Variants in MARCHF7 observed in about 807,000 individuals in gnomAD.
MARCHF7 encodes the protein membrane associated ring-CH-type finger 7, also known as E3 ubiquitin-protein ligase MARCHF7.
A neutral mutation model predicts 76.5 loss-of-function variants in MARCHF7; 20 were observed. The ratio of observed to expected loss-of-function variants is 0.26; its 90% confidence interval spans 0.18 to 0.38. MARCHF7 has a LOEUF of 0.38. MARCHF7 is among the 10% of genes least tolerant of loss of function. The pLI is 1.00. For missense variants in MARCHF7, 797 were observed against 812.9 expected (o/e 0.98, Z 0.24); for synonymous variants, 295 against 293.0 (o/e 1.01, Z -0.07).
intron 7 of MARCHF7, among the ~76,000 whole-genome samples, chr2:159,751,259 A>C (rs1019968693): frequency 6.6e-6 from 1 of 152,058 alleles, no homozygotes; most frequent in Admixed American, 6.6e-5. Flanking sequence ...AGCCAGTACC[A>C]CTCTATCTGG....
intron 9 of MARCHF7, among the ~76,000 whole-genome samples, chr2:159,761,027 ATTT>A (rs34380779): frequency 1.4e-5 from 2 of 139,856 alleles, no homozygotes; most frequent in African/African-American, 2.6e-5. Flanking sequence ...TAACCATTTA[ATTT>A]TTTTTTTTTT....
intron 3 of MARCHF7, among the ~76,000 whole-genome samples, chr2:159,726,408 G>A (rs557269806): frequency 1.1e-4 from 16 of 152,008 alleles, no homozygotes; most frequent in Non-Finnish European, 2.2e-4. Context: ...GACTACAGGC[G>A]CCCGCTACCA....
chr2:159,724,557 TA>T (rs1701959902), intron 3 of MARCHF7, among the ~76,000 whole-genome samples: 1 of 152,234 alleles, frequency 6.6e-6, no homozygotes. Flanking sequence ...TTCTGCAACT[TA>T]CTCCCAGTCC....
In MARCHF7 at chr2:159,748,116, A is replaced by G. The variant is rs1425000648; in HGVS notation, c.826A>G (p.Arg276Gly). ...TCAAGAATCTTCTGACAATGAAGGTAGGCGGACAACGAGGAGATTGCTGTC... is the reference window on the plus strand; with the variant it reads ...TCAAGAATCTTCTGACAATGAAGGTGGGCGGACAACGAGGAGATTGCTGTC... Reference protein sequence around the residue: ...PFQESSDNEGRRTTRRLLSRI... With the variant: ...PFQESSDNEGGRTTRRLLSRI... Residue 276 changes from arginine (R) to glycine (G), a missense_variant, in exon 7 of 12, where the codon AGG becomes GGG. By Grantham distance (125) the Arg-to-Gly change is moderately radical. Around this residue, in one of 3 missense-constraint regions of MARCHF7, gnomAD observed 643 missense variants for 631.5 expected, o/e 1.02. Coordinates refer to ENST00000409175, the MANE Select transcript of MARCHF7 (RefSeq NM_001282805.2). 3.1e-6 allele frequency: 5 copies of G among 1,613,900 alleles called. No individual in the cohort carries two copies. The highest frequency in any genetic ancestry group is 4.2e-6 in the Non-Finnish European group (5 of 1,179,968).
chr2:159,716,265 G>A (rs942425542), intron 3 of MARCHF7, among the ~76,000 whole-genome samples: 6 of 125,654 alleles, frequency 4.8e-5, no homozygotes, highest in South Asian at 2.2e-4. Context: ...CCCAGAAGCA[G>A]ATTTTTTTTT....
chr2:159,753,995 G>C (rs1003092748), intron 8 of MARCHF7, among the ~76,000 whole-genome samples: 1 of 152,358 alleles, frequency 6.6e-6, no homozygotes, highest in East Asian at 1.9e-4. Context: ...AGGGAACCAA[G>C]TGTTCTGTTT....
chr2:159,721,875 G>A (rs910525194), intron 3 of MARCHF7, among the ~76,000 whole-genome samples: 1 of 152,146 alleles, frequency 6.6e-6, no homozygotes, highest in Non-Finnish European at 1.5e-5. Flanking sequence ...AATGAAGCTT[G>A]GAGCCCACAC....
chr2:159,734,963 CAG>C (rs1245052854), intron 4 of MARCHF7, among the ~76,000 whole-genome samples: 4 of 152,028 alleles, frequency 2.6e-5, no homozygotes. Context: ...GCTTGGGTGA[CAG>C]AACAGGACCC....
chr2:159,764,518 A>T, intron 10 of MARCHF7, 108 bp from the exon 11 acceptor site: 1 of 758,000 alleles, frequency 1.3e-6, no homozygotes, highest in Non-Finnish European at 2.0e-6. Context: ...TTAAAGGCTT[A>T]AACTGATGTT....
chr2:159,769,093 T>TTA lies in MARCHF7; in HGVS notation c.*1753_*1754dup, dbSNP rs1708050010. On this transcript the variant is annotated 3_prime_UTR_variant, in exon 12 of 12. Transcript: ENST00000409175. The stretch of plus-strand genomic sequence containing the variant: ...GAATAAGAGAAAAGGCTTTCATTGG[T>TTA]TATCAGTTTTAAATTCTGAACAAAA... The TTA allele has an allele frequency of 6.6e-6, 1 of 152,218 alleles. No homozygotes were observed. The highest frequency in any genetic ancestry group is 2.4e-5 in the African/African-American group (1 of 41,460). The allele number at this position is 152,218 out of a possible 1,614,324, so 9.4% of individuals were successfully genotyped here.
chr2:159,765,279 T>C (rs926994172), intron 11 of MARCHF7, among the ~76,000 whole-genome samples: 1 of 152,044 alleles, frequency 6.6e-6, no homozygotes, highest in Admixed American at 6.6e-5. Flanking sequence ...CTCAAATCTC[T>C]TAAGATCACA....
At chr2:159,743,316 T>C in intron 5 of MARCHF7, 63 bp downstream of exon 5, 2 of 1,479,104 alleles carry the variant, frequency 1.4e-6, no homozygotes, top group Admixed American at 2.0e-5. Context: ...CAGTTGTTCT[T>C]AGTTTTGGAA....
intron 4 of MARCHF7, among the ~76,000 whole-genome samples, chr2:159,741,287 G>T (rs1704090358): frequency 6.6e-6 from 1 of 152,124 alleles, no homozygotes; most frequent in Non-Finnish European, 1.5e-5. Context: ...GAGGATCAAG[G>T]CAGCAGTGAG....
At chr2:159,739,040 C>T (rs554881884) in intron 4 of MARCHF7, among the ~76,000 whole-genome samples, 41 of 152,342 alleles carry the variant, frequency 2.7e-4, no homozygotes, top group African/African-American at 9.6e-4. Context: ...CAAGCATGCG[C>T]ATACACACCT....
intron 8 of MARCHF7, among the ~76,000 whole-genome samples, chr2:159,758,521 A>G (rs1190017441): frequency 6.6e-6 from 1 of 152,206 alleles, no homozygotes; most frequent in African/African-American, 2.4e-5. Context: ...CCAAATCCCT[A>G]GTAACTTCTG....
intron 1 of MARCHF7, among the ~76,000 whole-genome samples, chr2:159,713,625 A>G (rs1216829088): frequency 6.6e-6 from 1 of 152,226 alleles, no homozygotes; most frequent in Middle Eastern, 3.2e-3. Flanking sequence ...AGTTATTAAG[A>G]AGGCACACAT....
chr2:159,748,600 A>C lies in MARCHF7; in HGVS notation c.1310A>C (p.Gln437Pro). The change falls in exon 7 of 12, where the codon CAG (glutamine) becomes CCG (proline). Residue 437 changes from glutamine (Q) to proline (P), a missense_variant. Physicochemically the swap from Gln to Pro is moderately conservative, Grantham distance 76 (BLOSUM62 -1). Coordinates refer to ENST00000409175, the MANE Select transcript of MARCHF7 (RefSeq NM_001282805.2). Reference protein sequence around the residue: ...ESNEVVHLEAQNDPLGAAANR... With the variant: ...ESNEVVHLEAPNDPLGAAANR... ...AATGAAGTGGTTCACCTTGAAGCAC[A>C]GAATGATCCTCTTGGAGCTGCTGCC... 1 of 1,614,266 alleles carries C rather than the reference A, an allele frequency of 6.2e-7. No individual in the cohort carries two copies. The highest frequency in any genetic ancestry group is 8.5e-7 in the Non-Finnish European group (1 of 1,180,032).
intron 5 of MARCHF7, 100 bp downstream of exon 5, chr2:159,743,353 CAGTG>C (rs1704377853): frequency 9.3e-7 from 1 of 1,077,178 alleles, no homozygotes; most frequent in Non-Finnish European, 1.3e-6. Flanking sequence ...TATATGAAGA[CAGTG>C]GGTCAGAAAT....
intron 3 of MARCHF7, among the ~76,000 whole-genome samples, chr2:159,723,788 T>A (rs903627371): frequency 2.0e-5 from 3 of 152,218 alleles, no homozygotes. Flanking sequence ...GTTAAAAAAT[T>A]AATTTTTAAA....
Sources: gnomAD v4.1 joint callset for allele counts (sites outside exome capture counted in the v4.1 genomes callset) on GRCh38, gnomAD v4.1.1 for gene constraint, gnomAD v4.1.1 regional missense constraint, MANE v1.5 for transcripts, NCBI Gene and HGNC (gene_info 2026-07-23, HGNC 2026-07-21) for gene names.